CPPED1: variants seen among roughly 807,000 people sequenced by gnomAD.
CPPED1 encodes calcineurin like phosphoesterase domain containing 1, also known as serine/threonine-protein phosphatase CPPED1.
CPPED1 carries 28 observed loss-of-function variants against 28.0 expected under a neutral mutation model. That is an observed-to-expected ratio of 1.00 (90% CI 0.74 to 1.37). The LOEUF (loss-of-function observed/expected upper bound fraction) is 1.37. Among genes scored for constraint, CPPED1 ranks in the 40% most tolerant of loss-of-function variants. The probability of loss-of-function intolerance (pLI) is 0.00; values close to 1 mark genes in which losing one functional copy is unlikely to be tolerated. For synonymous variants in CPPED1, 198 were observed against 180.2 expected, an observed-to-expected ratio of 1.10 and a Z score of -0.79; for missense variants, 504 against 416.5, an observed-to-expected ratio of 1.21 and a Z score of -1.83.
chr16:12,751,431 G>A (rs1469996173), intron 2 of CPPED1, among the ~76,000 whole-genome samples: 3 of 152,194 alleles, frequency 2.0e-5, no homozygotes, highest in Non-Finnish European at 4.4e-5. Flanking sequence ...TACAATTCTG[G>A]TCTCTAGAGT....
intron 3 of CPPED1, among the ~76,000 whole-genome samples, chr16:12,676,075 C>T (rs544367497): frequency 2.6e-5 from 4 of 152,128 alleles, no homozygotes; most frequent in Non-Finnish European, 4.4e-5. Flanking sequence ...CACTTTTCGT[C>T]GTCAATTGGG....
chr16:12,751,483 C>T (rs1173805382), intron 2 of CPPED1, among the ~76,000 whole-genome samples: 1 of 152,208 alleles, frequency 6.6e-6, no homozygotes, highest in Admixed American at 6.5e-5. Context: ...CCTTTTGCTA[C>T]TGACCTTTCC....
At chr16:12,714,609 T>C (rs1166524280) in intron 2 of CPPED1, among the ~76,000 whole-genome samples, 1 of 152,244 alleles carries the variant, frequency 6.6e-6, no homozygotes, top group Non-Finnish European at 1.5e-5. Context: ...TCTATTCAGA[T>C]ACTTTGCCCA....
intron 2 of CPPED1, among the ~76,000 whole-genome samples, chr16:12,755,836 CA>C: frequency 6.6e-6 from 1 of 151,966 alleles, no homozygotes; most frequent in Non-Finnish European, 1.5e-5. Context: ...CAAGATGCCT[CA>C]AAGAATCAGA....
At position 12,792,373 on chromosome 16, in the gene CPPED1, T is replaced by C. The variant is rs116841178; in HGVS notation, c.71-10970A>G. Among the ~76,000 whole-genome samples the C allele has an allele frequency of 5.9e-3, 899 of 152,182 alleles. 12 individuals carry two copies. The highest frequency in any genetic ancestry group is 0.031 in the South Asian group (151 of 4,814). ...TTGAGGTATCACACTGGGAAGTGGG[T>C]GGTGCTGCTGGAATCCAGTGGATAA... is the stretch of plus-strand genomic sequence containing the variant. On this transcript the variant is annotated intron_variant, in intron 1 of 3. Coordinates refer to ENST00000381774, the MANE Select transcript of CPPED1 (RefSeq NM_018340.3).
In CPPED1 at chr16:12,803,829, C is replaced by A; in HGVS notation, c.-53G>T. ...GAACACTGCGTGGGTGGAAGCCGCG[C>A]GACTTCACACAGAACAACCGCTGGA... On this transcript the variant is annotated 5_prime_UTR_variant, in exon 1 of 4. Transcript: ENST00000381774. The A allele has an allele frequency of 6.6e-7, 1 of 1,519,034 alleles. No homozygotes were observed. Among genetic ancestry groups the A allele is most frequent in the Non-Finnish European group, 8.9e-7 (1 of 1,120,092 alleles). The allele number at this position is 1,519,034 out of a possible 1,614,324, so 94.1% of individuals were successfully genotyped here.
chr16:12,793,668 G>A (rs764667448), intron 1 of CPPED1, among the ~76,000 whole-genome samples: 6 of 152,176 alleles, frequency 3.9e-5, no homozygotes, highest in Admixed American at 2.6e-4. Context: ...TGAGTTACTC[G>A]TGCCATGACT....
intron 3 of CPPED1, among the ~76,000 whole-genome samples, chr16:12,689,957 C>G (rs1294708375): frequency 6.6e-6 from 1 of 152,230 alleles, no homozygotes; most frequent in East Asian, 1.9e-4. Flanking sequence ...TTGCTGCATA[C>G]TGGCAGTAAC....
intron 3 of CPPED1, among the ~76,000 whole-genome samples, chr16:12,672,509 C>G (rs2079857656): frequency 6.6e-6 from 1 of 152,220 alleles, no homozygotes; most frequent in African/African-American, 2.4e-5. Context: ...CACACTGCTG[C>G]AAAAACATCG....
chr16:12,666,123 A>C (rs936922497), intron 3 of CPPED1, among the ~76,000 whole-genome samples: 16 of 152,162 alleles, frequency 1.1e-4, no homozygotes, highest in Admixed American at 2.0e-4. Flanking sequence ...TCTCAAAATA[A>C]ATAAATAAAA....
chr16:12,749,140 T>C (rs1268245017), intron 2 of CPPED1, among the ~76,000 whole-genome samples: 1 of 152,182 alleles, frequency 6.6e-6, no homozygotes, highest in Non-Finnish European at 1.5e-5. Flanking sequence ...AACTGACTCT[T>C]CCTTCCATGA....
At chr16:12,725,240 T>C (rs984073983) in intron 2 of CPPED1, among the ~76,000 whole-genome samples, 1 of 152,062 alleles carries the variant, frequency 6.6e-6, no homozygotes, top group Non-Finnish European at 1.5e-5. Context: ...ATTACAGGCA[T>C]GTGCCACCAC....
In CPPED1 at chr16:12,679,074, G is replaced by T. The variant is rs187509761; in HGVS notation, c.716-13959C>A. On this transcript the variant is annotated intron_variant, in intron 3 of 3. Transcript: ENST00000381774. ...GGATTTGAGAGTTTGATCAGTGAAA[G>T]CTCATTCTTTGGTGATCTCACAAAA... Among the ~76,000 whole-genome samples the T allele has an allele frequency of 2.0e-5, 3 of 152,274 alleles. No individual in the cohort carries two copies. The East Asian group carries it at 5.8e-4, about 29-fold the overall frequency.
At position 12,803,793 on chromosome 16, in the gene CPPED1, G is replaced by A; in HGVS notation, c.-17C>T. 6.3e-7 allele frequency: 1 copy of A among 1,596,558 alleles called. No individual in the cohort carries two copies. The highest frequency in any genetic ancestry group is 8.5e-7 in the Non-Finnish European group (1 of 1,172,664). ...AGCCGACATGGCGAGCGAGTTTCTG[G>A]CCTTCACTTAGAACACTGCGTGGGT... is the stretch of plus-strand genomic sequence containing the variant. On this transcript the variant is annotated 5_prime_UTR_variant, in exon 1 of 4. Coordinates refer to ENST00000381774, the MANE Select transcript of CPPED1 (RefSeq NM_018340.3).
chr16:12,728,126 T>G (rs1233684211), intron 2 of CPPED1, among the ~76,000 whole-genome samples: 2 of 152,180 alleles, frequency 1.3e-5, no homozygotes, highest in African/African-American at 4.8e-5. Flanking sequence ...TTGCTGGATT[T>G]TGTGTCTTTT....
chr16:12,743,285 TG>T (rs748708183), intron 2 of CPPED1, among the ~76,000 whole-genome samples: 1 of 151,818 alleles, frequency 6.6e-6, no homozygotes, highest in Admixed American at 6.6e-5. Context: ...CATAACCAAG[TG>T]GAAAAAAAAT....
At chr16:12,743,287 G>GA (rs2080266020) in intron 2 of CPPED1, among the ~76,000 whole-genome samples, 1 of 151,648 alleles carries the variant, frequency 6.6e-6, no homozygotes, top group Non-Finnish European at 1.5e-5. Flanking sequence ...TAACCAAGTG[G>GA]AAAAAAAATG....
chr16:12,800,011 T>C (rs1406723777), intron 1 of CPPED1, among the ~76,000 whole-genome samples: 1 of 152,206 alleles, frequency 6.6e-6, no homozygotes. Flanking sequence ...AGCTGCTCTC[T>C]GATCCTCTGG....
At chr16:12,785,894 A>C (rs2080559988) in intron 1 of CPPED1, among the ~76,000 whole-genome samples, 1 of 150,338 alleles carries the variant, frequency 6.7e-6, no homozygotes, top group Admixed American at 6.7e-5. Context: ...ACTGAGGTCC[A>C]CTCCTGAAGC....
Sources: allele counts gnomAD v4.1 joint callset (sites outside exome capture counted in the v4.1 genomes callset), GRCh38; gene constraint gnomAD v4.1.1; transcripts MANE v1.5; gene names NCBI Gene and HGNC (gene_info 2026-07-23, HGNC 2026-07-21).